Variants in VPS13A observed in about 807,000 individuals in gnomAD.
VPS13A encodes the protein vacuolar protein sorting 13 homolog A.
Under a neutral mutation model 390.9 loss-of-function variants are expected in VPS13A, and 264 were observed. The observed-to-expected ratio is 0.68, with a 90% CI of 0.61 to 0.75. VPS13A has a LOEUF of 0.75. VPS13A is among the 30% of genes least tolerant of loss of function. The pLI, the probability that VPS13A is intolerant of heterozygous loss-of-function variation, is 0.00. For synonymous variants in VPS13A, 1,231 were observed against 1,227.1 expected (o/e 1.00, Z -0.07); for missense variants, 3,409 against 3,733.9 (o/e 0.91, Z 2.27).
chr9:77,342,429 T>C (rs997531858), intron 50 of VPS13A, among the ~76,000 whole-genome samples: 3 of 151,828 alleles, frequency 2.0e-5, no homozygotes, highest in Non-Finnish European at 4.4e-5. Context: ...TAAGTACTTA[T>C]GTGTGAATAA....
Position 77,339,813 on chromosome 9 carries a change from C to T in VPS13A, c.6676C>T (p.Gln2226Ter). Residue 2226 changes from glutamine to a stop codon, truncating the protein, a stop_gained, in exon 48 of 72, where the codon CAG (glutamine) becomes TAG (stop). Coordinates refer to ENST00000360280, the MANE Select transcript of VPS13A (RefSeq NM_033305.3). LOFTEE classifies it high-confidence loss of function. ...GGTCAATAAAACTGGCCGCATGTTACAGTACAAAGCAGACGGAATTCATCG... is the reference window on the plus strand; with the variant it reads ...GGTCAATAAAACTGGCCGCATGTTATAGTACAAAGCAGACGGAATTCATCG... ...WMVNKTGRML[Q>*]YKADGIHRKH... The T allele has an allele frequency of 6.2e-7, 1 of 1,614,050 alleles. No homozygotes were observed. Among genetic ancestry groups the T allele is most frequent in the Non-Finnish European group, 8.5e-7 (1 of 1,179,964 alleles).
At chr9:77,328,478 A>C (rs548517912) in intron 45 of VPS13A, among the ~76,000 whole-genome samples, 1 of 152,338 alleles carries the variant, frequency 6.6e-6, no homozygotes, top group East Asian at 1.9e-4. Context: ...CTTTGAAGCT[A>C]AGCATTGACT....
chr9:77,407,874 T>C (rs1834700811), intron 71 of VPS13A, among the ~76,000 whole-genome samples: 1 of 152,154 alleles, frequency 6.6e-6, no homozygotes, highest in African/African-American at 2.4e-5. Flanking sequence ...TTAATTTTTT[T>C]TAATAAAAAA....
At chr9:77,310,190 C>G (rs978346292) in intron 35 of VPS13A, among the ~76,000 whole-genome samples, 4 of 151,960 alleles carry the variant, frequency 2.6e-5, no homozygotes, top group Middle Eastern at 3.2e-3. Flanking sequence ...GTCAGGAAAT[C>G]TAGGAAACAG....
At chr9:77,410,509 T>TAA (rs1834868347) in intron 71 of VPS13A, among the ~76,000 whole-genome samples, 2 of 150,606 alleles carry the variant, frequency 1.3e-5, no homozygotes, top group Admixed American at 6.6e-5. Context: ...GCAAATTGGA[T>TAA]AGAGTCAAGA....
At chr9:77,401,716 AATT>A (rs1434709901) in intron 68 of VPS13A, among the ~76,000 whole-genome samples, 2 of 152,098 alleles carry the variant, frequency 1.3e-5, no homozygotes, top group Non-Finnish European at 2.9e-5. Flanking sequence ...AAGTTTTCAA[AATT>A]ATTTGCATAA....
intron 53 of VPS13A, among the ~76,000 whole-genome samples, chr9:77,352,129 A>G (rs887699411): frequency 2.0e-5 from 3 of 152,244 alleles, no homozygotes; most frequent in Non-Finnish European, 4.4e-5. Context: ...TGCATTGACA[A>G]TCATACTAGG....
chr9:77,202,701 A>T (rs960926108), intron 3 of VPS13A, among the ~76,000 whole-genome samples: 24 of 152,310 alleles, frequency 1.6e-4, no homozygotes, highest in African/African-American at 4.8e-4. Context: ...TCAGGAGAGT[A>T]GATAGACTAT....
rs192527341 is a variant in VPS13A, at chr9:77,409,534, G to A, written c.9474+1927G>A. On this transcript the variant is annotated intron_variant, in intron 71 of 71. Coordinates refer to ENST00000360280, the MANE Select transcript of VPS13A (RefSeq NM_033305.3). ...GGAGGAAGTTCGAATCCATGGCAAGGAAGTTAAAAACCTTGAAAAAAAATT... is the reference window on the plus strand; with the variant it reads ...GGAGGAAGTTCGAATCCATGGCAAGAAAGTTAAAAACCTTGAAAAAAAATT... 4.5e-4 allele frequency among the ~76,000 whole-genome samples: 68 copies of A among 152,182 alleles called. 1 individual carries two copies. The highest frequency in any genetic ancestry group is 3.4e-3 in the Middle Eastern group (1 of 294).
At chr9:77,209,096 A>G (rs1825833849) in intron 5 of VPS13A, among the ~76,000 whole-genome samples, 1 of 152,114 alleles carries the variant, frequency 6.6e-6, no homozygotes, top group Non-Finnish European at 1.5e-5. Context: ...CTGTTAGTGG[A>G]TTTTCTCATT....
At chr9:77,228,390 G>A in intron 17 of VPS13A, 126 bp downstream of exon 17, 1 of 936,232 alleles carries the variant, frequency 1.1e-6, no homozygotes, top group Non-Finnish European at 1.5e-6. Flanking sequence ...GTGGTTTCAG[G>A]AAAAAGGTTT....
chr9:77,401,106 CTTTGA>C (rs1587722547), intron 68 of VPS13A, among the ~76,000 whole-genome samples: 1 of 152,178 alleles, frequency 6.6e-6, no homozygotes, highest in East Asian at 1.9e-4. Flanking sequence ...GTATTCTTTC[CTTTGA>C]TATGTCTGCA....
intron 71 of VPS13A, among the ~76,000 whole-genome samples, chr9:77,408,407 C>G (rs560147270): frequency 6.6e-6 from 1 of 152,344 alleles, no homozygotes; most frequent in East Asian, 1.9e-4. Context: ...AGCTGAGGTA[C>G]TGGGTTCATG....
At chr9:77,367,994 A>G in intron 61 of VPS13A, 61 bp from the exon 62 acceptor site, 1 of 1,392,558 alleles carries the variant, frequency 7.2e-7, no homozygotes, top group Non-Finnish European at 1.0e-6. Context: ...GCCACTCATT[A>G]ATATTAAAAA....
At chr9:77,325,150 C>T (rs1336682020) in intron 45 of VPS13A, among the ~76,000 whole-genome samples, 1 of 152,168 alleles carries the variant, frequency 6.6e-6, no homozygotes, top group African/African-American at 2.4e-5. Context: ...GTTAAATTCT[C>T]ATAAGGAGCA....
chr9:77,251,916 G>A lies in VPS13A; in HGVS notation c.2171-319G>A, dbSNP rs181316588. Among the ~76,000 whole-genome samples the A allele has an allele frequency of 1.6e-3, 246 of 152,248 alleles. 2 individuals are homozygous for A. Among genetic ancestry groups the A allele is most frequent in the Middle Eastern group, 0.01 (3 of 294 alleles). On this transcript the variant is annotated intron_variant, in intron 21 of 71. Coordinates refer to ENST00000360280, the MANE Select transcript of VPS13A (RefSeq NM_033305.3). ...CATTTAAACATTACCTAGAAGAGTA[G>A]AAATTATAAATCTTGAATAAATGGT...
intron 68 of VPS13A, among the ~76,000 whole-genome samples, chr9:77,401,832 T>C (rs1834409713): frequency 6.6e-6 from 1 of 152,180 alleles, no homozygotes; most frequent in Non-Finnish European, 1.5e-5. Flanking sequence ...AAATGGAAAA[T>C]TTCAGAAATA....
intron 33 of VPS13A, among the ~76,000 whole-genome samples, chr9:77,297,810 G>A (rs1256782335): frequency 2.6e-5 from 4 of 152,082 alleles, no homozygotes; most frequent in Non-Finnish European, 5.9e-5. Flanking sequence ...TAGTGGGCTG[G>A]TGCATAAAAT....
At chr9:77,347,690 T>A (rs1290338714) in intron 52 of VPS13A, among the ~76,000 whole-genome samples, 1 of 152,194 alleles carries the variant, frequency 6.6e-6, no homozygotes. Context: ...GTCTTATCTT[T>A]AGTAAATCTC....
Sources: gnomAD v4.1 joint callset for allele counts (sites outside exome capture counted in the v4.1 genomes callset) on GRCh38, gnomAD v4.1.1 for gene constraint, MANE v1.5 for transcripts, NCBI Gene and HGNC (gene_info 2026-07-23, HGNC 2026-07-21) for gene names.